Variants in MIER1 observed in about 807,000 individuals in gnomAD.
The protein encoded by MIER1 is mesoderm induction early response protein 1.
Under a neutral mutation model 75.7 loss-of-function variants are expected in MIER1, and 40 were observed. That is an observed-to-expected ratio of 0.53 (90% CI 0.41 to 0.69). MIER1 has a LOEUF of 0.69. Among genes scored for constraint, MIER1 ranks in the 30% least tolerant of loss-of-function variants. MIER1 has a pLI of 0.00. For synonymous variants in MIER1, 213 were observed against 223.4 expected (o/e 0.95, Z 0.42); for missense variants, 574 against 680.2 (o/e 0.84, Z 1.74).
At chr1:66,951,097 C>T (rs1329955535) in intron 4 of MIER1, among the ~76,000 whole-genome samples, 1 of 152,192 alleles carries the variant, frequency 6.6e-6, no homozygotes, top group African/African-American at 2.4e-5. Context: ...GATGCCACTC[C>T]AACCTATAAT....
chr1:66,956,526 G>A (rs1660162765), intron 4 of MIER1, among the ~76,000 whole-genome samples: 1 of 152,098 alleles, frequency 6.6e-6, no homozygotes, highest in Non-Finnish European at 1.5e-5. Flanking sequence ...AAATACCAAT[G>A]TCCTGTACCA....
At chr1:66,964,223 C>A (rs1021973861) in intron 8 of MIER1, among the ~76,000 whole-genome samples, 1 of 151,074 alleles carries the variant, frequency 6.6e-6, no homozygotes, top group Non-Finnish European at 1.5e-5. Context: ...AGGTGCCCAC[C>A]ACCACGCCCA....
intron 2 of MIER1, among the ~76,000 whole-genome samples, chr1:66,930,765 C>G (rs912387869): frequency 5.9e-5 from 9 of 152,080 alleles, no homozygotes; most frequent in Admixed American, 3.9e-4. Context: ...GAAGTTTTTT[C>G]CCTTCCTAAC....
At chr1:66,927,088 T>C (rs1457979849) in intron 2 of MIER1, among the ~76,000 whole-genome samples, 1 of 152,164 alleles carries the variant, frequency 6.6e-6, no homozygotes, top group Non-Finnish European at 1.5e-5. Context: ...AGCATAATAA[T>C]AACTGAGGGG....
chr1:66,947,091 T>C (rs1467150860), intron 4 of MIER1: 9 of 761,762 alleles, frequency 1.2e-5, no homozygotes, highest in Non-Finnish European at 9.6e-6. Context: ...AAAAGCAGAT[T>C]TTTTGGACCT....
intron 2 of MIER1, among the ~76,000 whole-genome samples, chr1:66,937,588 A>G (rs1484809331): frequency 6.6e-6 from 1 of 151,918 alleles, no homozygotes; most frequent in East Asian, 1.9e-4. Context: ...CCATCTCAAA[A>G]AAAAGAAAAG....
intron 7 of MIER1, among the ~76,000 whole-genome samples, chr1:66,962,257 G>A (rs1661393821): frequency 6.6e-6 from 1 of 152,162 alleles, no homozygotes; most frequent in Admixed American, 6.5e-5. Context: ...TTATATTTGT[G>A]GGAGGAGGTT....
chr1:66,965,593 A>ACATGAT (rs1236594861), intron 8 of MIER1, among the ~76,000 whole-genome samples: 2 of 152,178 alleles, frequency 1.3e-5, no homozygotes, highest in African/African-American at 2.4e-5. Context: ...ACAGGCATGC[A>ACATGAT]GTGTGTAACA....
chr1:66,986,483 G>T lies in MIER1; in HGVS notation c.*1583G>T. 6.3e-7 allele frequency: 1 copy of T among 1,586,714 alleles called. No individual in the cohort carries two copies. Among genetic ancestry groups the T allele is most frequent in the Non-Finnish European group, 8.6e-7 (1 of 1,160,724 alleles). On this transcript the variant is annotated 3_prime_UTR_variant, in exon 14 of 14. Coordinates refer to ENST00000401041, the MANE Select transcript of MIER1 (RefSeq NM_001077700.3). ...TGCCTTTTTAAAATAAAGCTTCTGT[G>T]GTCTTGTTTTTAATGGCTCAACTGT... is the stretch of plus-strand genomic sequence containing the variant.
At position 66,985,089 on chromosome 1, in the gene MIER1, CTT is replaced by C. The variant is rs1666606658; in HGVS notation, c.*192_*193del. 3.9e-6 allele frequency: 5 copies of C among 1,288,314 alleles called. No individual in the cohort carries two copies. The South Asian group carries it at 7.1e-5, about 18-fold the overall frequency. The allele number at this position is 1,288,314 out of a possible 1,614,324, so 79.8% of individuals were successfully genotyped here. ...TTTTTTACTTTAAAGCTGTCAGACT[CTT>C]TTAAGGGTATTTTAAAAATTAGTAA... On this transcript the variant is annotated 3_prime_UTR_variant, in exon 14 of 14. Transcript: ENST00000401041.
At position 66,986,457 on chromosome 1, in the gene MIER1, A is replaced by G. The variant is rs146387259; in HGVS notation, c.*1557A>G. On this transcript the variant is annotated 3_prime_UTR_variant, in exon 14 of 14. Coordinates refer to ENST00000401041, the MANE Select transcript of MIER1 (RefSeq NM_001077700.3). ...TTTTCAGCCATCAGTTCAAGAGCCA[A>G]TGCCTTTTTAAAATAAAGCTTCTGT... 1.0e-4 allele frequency: 168 copies of G among 1,610,064 alleles called. 2 individuals are homozygous for G. In the East Asian group the frequency reaches 2.7e-3, roughly 26 times the overall value.
chr1:66,975,886 A>G (rs1394161690), intron 11 of MIER1, among the ~76,000 whole-genome samples: 2 of 152,174 alleles, frequency 1.3e-5, no homozygotes, highest in Non-Finnish European at 2.9e-5. Flanking sequence ...TCAAAAGGGA[A>G]TTTAAAGATA....
At position 66,930,427 on chromosome 1, in the gene MIER1, T is replaced by C. The variant is rs938559083; in HGVS notation, c.168+4185T>C. On this transcript the variant is annotated intron_variant, in intron 2 of 13. Transcript: ENST00000401041. Reference sequence around the variant, plus strand: ...TAAGGGAGCGAGCTCCCCCTCCCTGTCCCGGAGCCGGGCGCCCCCGGCCCT... The same window carrying C: ...TAAGGGAGCGAGCTCCCCCTCCCTGCCCCGGAGCCGGGCGCCCCCGGCCCT... 2.5e-6 allele frequency: 4 copies of C among 1,603,802 alleles called. No individual in the cohort carries two copies. The African/African-American group carries it at 5.4e-5, about 22-fold the overall frequency.
rs747071792 is a variant in MIER1, at chr1:66,958,108, G to A, written c.389G>A (p.Ser130Asn). ...HELLSLYGYG[S>N]TVRLPEEDEE... ...CTTCTCAGCCTTTATGGTTATGGTA[G>A]TACTGTTCGACTACCTGAAGAAGAT... Residue 130 changes from serine to asparagine, a missense_variant, in exon 5 of 14, where the codon AGT (serine) becomes AAT (asparagine). This residue lies in a region of MIER1 where 309 missense variants were observed against 352.8 expected (regional missense o/e 0.88). Coordinates refer to ENST00000401041, the MANE Select transcript of MIER1 (RefSeq NM_001077700.3). 13 of 1,612,040 alleles carry A rather than the reference G, an allele frequency of 8.1e-6. No homozygotes were observed. Among genetic ancestry groups the A allele is most frequent in the Non-Finnish European group, 1.0e-5 (12 of 1,178,424 alleles).
rs66525570 is a variant in MIER1 at position 66,945,267 on chromosome 1, GTA to G, written c.194-834_194-833del. ...ATATGCTTTAAATAATCTGGTGTGT[GTA>G]TATATATATATATATATATATATAT... On this transcript the variant is annotated intron_variant, in intron 3 of 13. Transcript: ENST00000401041. Among the ~76,000 whole-genome samples the G allele has an allele frequency of 2.6e-3, 362 of 141,446 alleles. 5 individuals are homozygous for G. The highest frequency in any genetic ancestry group is 5.5e-3 in the Admixed American group (79 of 14,346). 92.8% of individuals were successfully genotyped at this position (141,446 alleles called of 152,430 possible). A position where few individuals can be genotyped will look rare whatever the true frequency, so the allele number is the denominator to read the frequency against.
At chr1:66,925,257 C>G in intron 1 of MIER1, 162 bp downstream of exon 1, 1 of 983,900 alleles carries the variant, frequency 1.0e-6, no homozygotes, top group East Asian at 1.1e-4. Flanking sequence ...CAGAACGCGC[C>G]TGGCTTGCTC....
intron 2 of MIER1, among the ~76,000 whole-genome samples, chr1:66,934,951 G>A (rs1339635523): frequency 6.6e-6 from 1 of 152,080 alleles, no homozygotes; most frequent in East Asian, 1.9e-4. Flanking sequence ...CTCTGACTTA[G>A]AGTCTACATA....
intron 11 of MIER1, among the ~76,000 whole-genome samples, chr1:66,975,290 G>T (rs1664477238): frequency 1.3e-5 from 2 of 152,188 alleles, no homozygotes; most frequent in African/African-American, 4.8e-5. Context: ...ACTTTGGGAG[G>T]TTGAAGCATG....
intron 8 of MIER1, among the ~76,000 whole-genome samples, chr1:66,965,084 C>A (rs982857791): frequency 6.6e-6 from 1 of 152,094 alleles, no homozygotes; most frequent in Non-Finnish European, 1.5e-5. Context: ...CAAGGTAATT[C>A]CTGCAAGATA....
Sources: allele counts gnomAD v4.1 joint callset (sites outside exome capture counted in the v4.1 genomes callset), GRCh38; gene constraint gnomAD v4.1.1; regional missense constraint gnomAD v4.1.1; transcripts MANE v1.5; gene names NCBI Gene and HGNC (gene_info 2026-07-23, HGNC 2026-07-21).